ZFHX3: variants seen among roughly 807,000 people sequenced by gnomAD.
ZFHX3 encodes the protein zinc finger homeobox 3.
ZFHX3 carries 42 observed loss-of-function variants against 279.1 expected under a neutral mutation model. That is an observed-to-expected ratio of 0.15 (90% CI 0.12 to 0.19). The LOEUF (loss-of-function observed/expected upper bound fraction) is 0.19, where lower values mean the gene tolerates loss of function less well. Among genes scored for constraint, ZFHX3 ranks in the 10% least tolerant of loss-of-function variants. ZFHX3 has a pLI of 1.00. For synonymous variants in ZFHX3, 2,293 were observed against 1,957.8 expected (o/e 1.17, Z -4.52); for missense variants, 4,981 against 4,754.0 (o/e 1.05, Z -1.40).
chr16:73,100,355 G>A (rs1454712891), intron 7 of ZFHX3, among the ~76,000 whole-genome samples: 3 of 152,098 alleles, frequency 2.0e-5, no homozygotes, highest in Admixed American at 1.3e-4. Flanking sequence ...TCAGCCACTA[G>A]GACTCAAGAG....
chr16:73,534,664 C>T (rs1334212946), intron 2 of ZFHX3, among the ~76,000 whole-genome samples: 1 of 152,154 alleles, frequency 6.6e-6, no homozygotes, highest in Non-Finnish European at 1.5e-5. Context: ...ATCAAATGAG[C>T]TTCATATACA....
intron 2 of ZFHX3, among the ~76,000 whole-genome samples, chr16:73,637,918 A>C (rs1025358125): frequency 1.3e-5 from 2 of 152,218 alleles, no homozygotes; most frequent in Admixed American, 1.3e-4. Flanking sequence ...AGAAAATATA[A>C]AATTATTTTC....
At chr16:73,367,867 CTTT>C (rs10718886) in intron 3 of ZFHX3, among the ~76,000 whole-genome samples, 1,625 of 115,386 alleles carry the variant, frequency 0.014, 10 homozygotes, top group Middle Eastern at 0.023. Flanking sequence ...TAAGGAAGGT[CTTT>C]TTTTTTTTTT....
At chr16:73,697,299 G>T (rs2053206584) in intron 1 of ZFHX3, among the ~76,000 whole-genome samples, 1 of 151,456 alleles carries the variant, frequency 6.6e-6, no homozygotes, top group Non-Finnish European at 1.5e-5. Flanking sequence ...GGTGTTTAAA[G>T]TATTTAGAAT....
intron 1 of ZFHX3, among the ~76,000 whole-genome samples, chr16:73,023,153 G>C (rs776312816): frequency 2.0e-5 from 3 of 152,178 alleles, no homozygotes; most frequent in Non-Finnish European, 4.4e-5. Context: ...CTTGAACCTC[G>C]GAGGCAGAGG....
At chr16:73,537,878 C>A (rs1251275820) in intron 2 of ZFHX3, among the ~76,000 whole-genome samples, 2 of 152,184 alleles carry the variant, frequency 1.3e-5, no homozygotes, top group African/African-American at 2.4e-5. Context: ...GACTATCAAG[C>A]CACAAAGTAG....
intron 3 of ZFHX3, among the ~76,000 whole-genome samples, chr16:73,323,781 C>T (rs545779828): frequency 2.6e-5 from 4 of 152,238 alleles, no homozygotes; most frequent in African/African-American, 9.6e-5. Context: ...TCTGAGAGAG[C>T]AAACAGACAT....
intron 7 of ZFHX3, among the ~76,000 whole-genome samples, chr16:73,104,000 A>G (rs1966262905): frequency 6.6e-6 from 1 of 152,180 alleles, no homozygotes; most frequent in Non-Finnish European, 1.5e-5. Flanking sequence ...ACGGCTTTGC[A>G]TGGAAGCTGT....
chr16:73,089,196 C>T (rs1462947938), intron 8 of ZFHX3, among the ~76,000 whole-genome samples: 1 of 152,100 alleles, frequency 6.6e-6, no homozygotes, highest in African/African-American at 2.4e-5. Context: ...CTCCGCCTCC[C>T]AGGTTCAAGC....
At chr16:73,046,437 A>C (rs1420917158) in intron 1 of ZFHX3, among the ~76,000 whole-genome samples, 1 of 152,068 alleles carries the variant, frequency 6.6e-6, no homozygotes, top group Non-Finnish European at 1.5e-5. Context: ...TGCAGTCCCC[A>C]CCACAGCACT....
intron 2 of ZFHX3, among the ~76,000 whole-genome samples, chr16:73,579,143 T>A (rs2051831123): frequency 6.6e-6 from 1 of 152,224 alleles, no homozygotes; most frequent in Non-Finnish European, 1.5e-5. Flanking sequence ...AACCCAGACA[T>A]CACTTTCTAT....
chr16:73,515,103 C>T (rs2019497065), intron 2 of ZFHX3, among the ~76,000 whole-genome samples: 1 of 152,206 alleles, frequency 6.6e-6, no homozygotes, highest in African/African-American at 2.4e-5. Context: ...GAGTCTTGCA[C>T]AGGCCAGGAA....
At chr16:72,878,572 A>G (rs558186804) in intron 4 of ZFHX3, among the ~76,000 whole-genome samples, 1 of 152,356 alleles carries the variant, frequency 6.6e-6, no homozygotes, top group South Asian at 2.1e-4. Flanking sequence ...AGAGTCACAG[A>G]TAACTGCTGC....
At chr16:73,073,510 G>GT (rs1247872535) in intron 8 of ZFHX3, among the ~76,000 whole-genome samples, 1 of 151,974 alleles carries the variant, frequency 6.6e-6, no homozygotes, top group Non-Finnish European at 1.5e-5. Flanking sequence ...TGTTTGTTTT[G>GT]TTTTTTGAGA....
chr16:73,531,021 C>T (rs1567511065), intron 2 of ZFHX3, among the ~76,000 whole-genome samples: 1 of 152,192 alleles, frequency 6.6e-6, no homozygotes, highest in South Asian at 2.1e-4. Flanking sequence ...CAGGGGTATA[C>T]AGTATTTTTG....
intron 1 of ZFHX3, among the ~76,000 whole-genome samples, chr16:73,017,863 C>T (rs1204943887): frequency 1.3e-5 from 2 of 152,188 alleles, no homozygotes; most frequent in Non-Finnish European, 2.9e-5. Context: ...CTGACCCATC[C>T]CTACCTCTGC....
chr16:72,884,873 C>T (rs1183907741), intron 4 of ZFHX3, among the ~76,000 whole-genome samples: 2 of 152,194 alleles, frequency 1.3e-5, no homozygotes, highest in Non-Finnish European at 2.9e-5. Flanking sequence ...AGCTCTGGCC[C>T]AGTGCATTGG....
chr16:72,981,833 C>T (rs1281074670), intron 1 of ZFHX3, among the ~76,000 whole-genome samples: 1 of 151,534 alleles, frequency 6.6e-6, no homozygotes, highest in Non-Finnish European at 1.5e-5. Context: ...CCAAAGGGCA[C>T]ATAACAATGC....
intron 7 of ZFHX3, chr16:73,127,345 C>T (rs541695734): frequency 3.1e-6 from 4 of 1,304,492 alleles, no homozygotes; most frequent in Middle Eastern, 2.1e-4. Context: ...AGAGGAAAGC[C>T]GATAAAAAGT....
Sources: gnomAD v4.1 joint callset for allele counts (sites outside exome capture counted in the v4.1 genomes callset) on GRCh38, gnomAD v4.1.1 for gene constraint, MANE v1.5 for transcripts, NCBI Gene and HGNC (gene_info 2026-07-23, HGNC 2026-07-21) for gene names.